SLX4IP: variants seen among roughly 807,000 people sequenced by gnomAD.
SLX4IP encodes the protein SLX4 interacting protein, also known as protein SLX4IP.
Under a neutral mutation model 32.9 loss-of-function variants are expected in SLX4IP, and 34 were observed. That is an observed-to-expected ratio of 1.03 (90% CI 0.79 to 1.38). SLX4IP has a LOEUF of 1.38. SLX4IP is among the 40% of genes most tolerant of loss of function. The probability of loss-of-function intolerance (pLI) is 0.00; values close to 1 mark genes in which losing one functional copy is unlikely to be tolerated. For synonymous variants in SLX4IP, 172 were observed against 171.7 expected (o/e 1.00, Z -0.01); for missense variants, 444 against 479.0 (o/e 0.93, Z 0.68).
chr20:10,616,130 A>C (rs2067025813), intron 6 of SLX4IP, among the ~76,000 whole-genome samples: 1 of 152,088 alleles, frequency 6.6e-6, no homozygotes, highest in South Asian at 2.1e-4. Context: ...ATTTAAACCA[A>C]AGATTGTCGA....
chr20:10,437,330 T>G (rs926351797), intron 1 of SLX4IP, among the ~76,000 whole-genome samples: 6 of 152,108 alleles, frequency 3.9e-5, no homozygotes, highest in Non-Finnish European at 7.4e-5. Flanking sequence ...AATCAAGAGT[T>G]CTCAGCCTTG....
At chr20:10,452,826 G>A (rs2065254435) in intron 1 of SLX4IP, among the ~76,000 whole-genome samples, 2 of 151,180 alleles carry the variant, frequency 1.3e-5, no homozygotes, top group Non-Finnish European at 2.9e-5. Flanking sequence ...ACTTTAGTCT[G>A]GTTGACAAAG....
chr20:10,616,545 A>G (rs1163865612), intron 6 of SLX4IP, among the ~76,000 whole-genome samples: 1 of 150,948 alleles, frequency 6.6e-6, no homozygotes, highest in Admixed American at 6.6e-5. Context: ...CACCACCAGT[A>G]CACACACACA....
In SLX4IP at chr20:10,627,609, A is replaced by G. The variant is rs2067188202; in HGVS notation, c.*4230A>G. ...AGAGGGGACTTGAATGGATAAAATT[A>G]TCTTTAATTATCTAGAGCTACCCAG... On this transcript the variant is annotated 3_prime_UTR_variant, in exon 8 of 8. Transcript: ENST00000334534. The G allele has an allele frequency of 6.6e-6, 1 of 152,242 alleles. No homozygotes were observed. The highest frequency in any genetic ancestry group is 2.1e-4 in the South Asian group (1 of 4,832). The allele number at this position is 152,242 out of a possible 1,614,324, so 9.4% of individuals were successfully genotyped here. A position where few individuals can be genotyped will look rare whatever the true frequency, so the allele number is the denominator to read the frequency against.
chr20:10,611,951 C>T (rs2066971782), intron 6 of SLX4IP, among the ~76,000 whole-genome samples: 1 of 152,202 alleles, frequency 6.6e-6, no homozygotes, highest in Admixed American at 6.5e-5. Context: ...GAGAGTACTA[C>T]TGCACAGGGA....
intron 2 of SLX4IP, among the ~76,000 whole-genome samples, chr20:10,515,305 G>C (rs972699060): frequency 6.6e-6 from 1 of 151,850 alleles, no homozygotes; most frequent in Admixed American, 6.6e-5. Context: ...GGCTGTTCTC[G>C]AACTCCTGAT....
chr20:10,595,572 G>A (rs370405847), intron 4 of SLX4IP, among the ~76,000 whole-genome samples: 139 of 152,308 alleles, frequency 9.1e-4, no homozygotes, highest in African/African-American at 3.2e-3. Context: ...CCCTGGGTAA[G>A]TACAAAATCT....
At chr20:10,528,848 G>A (rs1385847511) in intron 2 of SLX4IP, among the ~76,000 whole-genome samples, 3 of 152,174 alleles carry the variant, frequency 2.0e-5, no homozygotes, top group Non-Finnish European at 4.4e-5. Context: ...TGTAATTCGG[G>A]ATTTTTCTTC....
chr20:10,613,672 T>A, intron 6 of SLX4IP: 2 of 1,613,852 alleles, frequency 1.2e-6, no homozygotes, highest in Non-Finnish European at 1.7e-6. Context: ...ATCTTTTGTG[T>A]TGATTCTTTG....
At chr20:10,447,940 A>G (rs1300521847) in intron 1 of SLX4IP, among the ~76,000 whole-genome samples, 1 of 150,834 alleles carries the variant, frequency 6.6e-6, no homozygotes. Context: ...CCTGGGCTCA[A>G]GCAGTCCTCC....
chr20:10,445,627 CT>C (rs35240560), intron 1 of SLX4IP, among the ~76,000 whole-genome samples: 16,156 of 131,078 alleles, frequency 0.12, 968 homozygotes, highest in East Asian at 0.16. Context: ...TGAGATTGCC[CT>C]TTTTTTTTTT....
intron 2 of SLX4IP, among the ~76,000 whole-genome samples, chr20:10,550,955 G>A (rs950355298): frequency 2.0e-5 from 3 of 152,162 alleles, no homozygotes; most frequent in Non-Finnish European, 4.4e-5. Context: ...TCAGGGCCTG[G>A]CTAGTGCCCC....
intron 2 of SLX4IP, among the ~76,000 whole-genome samples, chr20:10,538,303 T>C (rs73243719): frequency 0.085 from 12,940 of 152,086 alleles, 673 homozygotes; most frequent in African/African-American, 0.16. Context: ...AAGGTTTCTC[T>C]ACTTTGGCAC....
chr20:10,490,539 A>C (rs905596950), intron 2 of SLX4IP, among the ~76,000 whole-genome samples: 4 of 152,110 alleles, frequency 2.6e-5, no homozygotes, highest in Non-Finnish European at 4.4e-5. Flanking sequence ...TCACTCAGTT[A>C]GTTTGTGAAT....
chr20:10,471,620 A>G (rs1001574772), intron 2 of SLX4IP, among the ~76,000 whole-genome samples: 2 of 152,174 alleles, frequency 1.3e-5, no homozygotes, highest in African/African-American at 2.4e-5. Context: ...AGTCCTTGCT[A>G]TTGATTCCTA....
chr20:10,623,795 T>C lies in SLX4IP; in HGVS notation c.*416T>C, dbSNP rs190546150. 176 of 171,404 alleles carry C rather than the reference T, an allele frequency of 1.0e-3. No homozygotes were observed. Among genetic ancestry groups the C allele is most frequent in the African/African-American group, 3.9e-3 (166 of 42,096 alleles). The allele number at this position is 171,404 out of a possible 1,614,324, so 10.6% of individuals were successfully genotyped here. Reference sequence around the variant, plus strand: ...GCTCCAGGGGTACAATCCATCCCCCTGCTCCTCAGCCTGAGTAGGAGGGCA... The same window carrying C: ...GCTCCAGGGGTACAATCCATCCCCCCGCTCCTCAGCCTGAGTAGGAGGGCA... On this transcript the variant is annotated 3_prime_UTR_variant, in exon 8 of 8. Transcript: ENST00000334534.
intron 2 of SLX4IP, among the ~76,000 whole-genome samples, chr20:10,534,524 A>C (rs138142906): frequency 6.6e-6 from 1 of 152,282 alleles, no homozygotes; most frequent in African/African-American, 2.4e-5. Context: ...GGTTTCCGTA[A>C]AGAAGGAGCC....
chr20:10,564,414 G>T (rs1176357095), intron 4 of SLX4IP, among the ~76,000 whole-genome samples: 2 of 152,118 alleles, frequency 1.3e-5, no homozygotes, highest in East Asian at 1.9e-4. Context: ...AATGTGGATT[G>T]TTTATGCTTT....
chr20:10,447,489 T>C (rs901541691), intron 1 of SLX4IP, among the ~76,000 whole-genome samples: 1 of 152,256 alleles, frequency 6.6e-6, no homozygotes, highest in Non-Finnish European at 1.5e-5. Flanking sequence ...TACTTTTTAT[T>C]TGTGGGATGC....
Sources: gnomAD v4.1 joint callset for allele counts (sites outside exome capture counted in the v4.1 genomes callset) on GRCh38, gnomAD v4.1.1 for gene constraint, MANE v1.5 for transcripts, NCBI Gene and HGNC (gene_info 2026-07-23, HGNC 2026-07-21) for gene names.